Variants in ADARB2 observed in about 807,000 individuals in gnomAD.
ADARB2 encodes inactive double-stranded RNA-specific editase B2.
In ADARB2, 25 loss-of-function variants were observed where a neutral mutation model predicts 62.2. That is an observed-to-expected ratio of 0.40 (90% confidence interval 0.29 to 0.56). ADARB2 has a LOEUF of 0.56. Among genes scored for constraint, ADARB2 ranks in the 20% least tolerant of loss-of-function variants. The pLI is 0.43. For missense variants in ADARB2, 1,071 were observed against 1,077.4 expected (o/e 0.99, Z 0.08); for synonymous variants, 572 against 500.8 (o/e 1.14, Z -1.90).
intron 1 of ADARB2, among the ~76,000 whole-genome samples, chr10:1,673,078 C>T (rs1834412248): frequency 1.3e-5 from 2 of 152,150 alleles, no homozygotes; most frequent in African/African-American, 2.4e-5. Flanking sequence ...ACCAAATGGG[C>T]TTCACCTCAT....
rs1348470606 is a variant in ADARB2, at chr10:1,704,458, C to A, written c.100+32593G>T. Among the ~76,000 whole-genome samples, 1 of 152,056 alleles carries A rather than the reference C, an allele frequency of 6.6e-6. No individual in the cohort carries two copies. The highest frequency in any genetic ancestry group is 1.5e-5 in the Non-Finnish European group (1 of 68,014). On this transcript the variant is annotated intron_variant, in intron 1 of 9. Coordinates refer to ENST00000381312, the MANE Select transcript of ADARB2 (RefSeq NM_018702.4). This position sits in a 1 kb window ranked among gnomAD's most constrained non-coding sequence, Gnocchi z 5.6. ...TACAAGCACAGTTAGCAATAGGATC[C>A]CCACTCCTATAGGAATCTAATGCCA...
chr10:1,491,425 A>G (rs1256331477), intron 1 of ADARB2, among the ~76,000 whole-genome samples: 1 of 152,130 alleles, frequency 6.6e-6, no homozygotes, highest in East Asian at 1.9e-4. Flanking sequence ...GAGTTTTACA[A>G]TCTTACTGAC....
chr10:1,232,825 A>G (rs955011810), intron 6 of ADARB2, among the ~76,000 whole-genome samples: 13 of 142,322 alleles, frequency 9.1e-5, no homozygotes, highest in Admixed American at 4.9e-4. Flanking sequence ...TGCATGTGCT[A>G]TATGTGGTAT....
intron 1 of ADARB2, among the ~76,000 whole-genome samples, chr10:1,486,432 G>T (rs999560974): frequency 6.6e-6 from 1 of 152,166 alleles, no homozygotes; most frequent in Non-Finnish European, 1.5e-5. Context: ...GAACAATATA[G>T]ACACAAAGTC....
intron 1 of ADARB2, among the ~76,000 whole-genome samples, chr10:1,576,027 AGGGCCACTCGGCGGGGGGG>A (rs1230768681): frequency 5.8e-4 from 33 of 56,528 alleles, no homozygotes; most frequent in Admixed American, 9.7e-4. Flanking sequence ...GAGGGGGCCC[AGGGCCACTCGGCGGGGGGG>A]TCAGGGTCAC....
intron 4 of ADARB2, among the ~76,000 whole-genome samples, chr10:1,266,799 A>G (rs182842138): frequency 1.5e-4 from 23 of 152,362 alleles, no homozygotes; most frequent in Non-Finnish European, 3.2e-4. Context: ...GGAGTTGAGC[A>G]GAAGTTACAG....
intron 1 of ADARB2, among the ~76,000 whole-genome samples, chr10:1,716,802 A>G (rs368642171): frequency 3.9e-5 from 6 of 152,340 alleles, no homozygotes; most frequent in African/African-American, 1.4e-4. Context: ...ATCTCTGAGT[A>G]TATATCCCTT....
At chr10:1,647,023 CTG>C (rs1328557164) in intron 1 of ADARB2, among the ~76,000 whole-genome samples, 1 of 152,250 alleles carries the variant, frequency 6.6e-6, no homozygotes, top group Non-Finnish European at 1.5e-5. Context: ...AAGGAGAAAA[CTG>C]TGTGCCGTGT....
intron 1 of ADARB2, among the ~76,000 whole-genome samples, chr10:1,552,081 C>G (rs925006132): frequency 6.6e-6 from 1 of 152,198 alleles, no homozygotes; most frequent in Non-Finnish European, 1.5e-5. Flanking sequence ...GATCACAGAA[C>G]CATACAGTCC....
intron 1 of ADARB2, among the ~76,000 whole-genome samples, chr10:1,655,875 C>T (rs1458929695): frequency 6.6e-6 from 1 of 152,136 alleles, no homozygotes; most frequent in African/African-American, 2.4e-5. Flanking sequence ...GGAAGAATAT[C>T]TATTTTCATG....
chr10:1,586,834 G>C (rs550954389), intron 1 of ADARB2, among the ~76,000 whole-genome samples: 1 of 152,150 alleles, frequency 6.6e-6, no homozygotes. Flanking sequence ...GTAGCATAAA[G>C]AAATATATAA....
intron 3 of ADARB2, among the ~76,000 whole-genome samples, chr10:1,289,522 A>C (rs1333172767): frequency 6.6e-6 from 1 of 152,220 alleles, no homozygotes; most frequent in Non-Finnish European, 1.5e-5. Context: ...ACCGTCAGGA[A>C]GCCCGAGTCT....
At chr10:1,712,367 G>C (rs1190153533) in intron 1 of ADARB2, among the ~76,000 whole-genome samples, 5 of 151,846 alleles carry the variant, frequency 3.3e-5, no homozygotes, top group Admixed American at 3.3e-4. Context: ...AAAATTACCT[G>C]GTTTCATGGC....
intron 1 of ADARB2, among the ~76,000 whole-genome samples, chr10:1,443,908 TA>T (rs1830930838): frequency 6.6e-6 from 1 of 152,190 alleles, no homozygotes; most frequent in African/African-American, 2.4e-5. Context: ...AATCTACCAC[TA>T]TTGCAGGTTA....
chr10:1,261,721 G>T (rs1046333474), intron 4 of ADARB2, among the ~76,000 whole-genome samples: 1 of 150,130 alleles, frequency 6.7e-6, no homozygotes, highest in Non-Finnish European at 1.5e-5. Flanking sequence ...AACCATTGTG[G>T]AAGTCAGTGT....
rs977181232 is a variant in ADARB2, at chr10:1,694,496, C to T, written c.100+42555G>A. Among the ~76,000 whole-genome samples, 7 of 151,986 alleles carry T rather than the reference C, an allele frequency of 4.6e-5. No homozygotes were observed. In the East Asian group the frequency reaches 9.8e-4, roughly 21 times the overall value. On this transcript the variant is annotated intron_variant, in intron 1 of 9. Coordinates refer to ENST00000381312, the MANE Select transcript of ADARB2 (RefSeq NM_018702.4). ...TCAGGGCTTTTAAACTGTACATGCACGACCCACAACCGGTGGCACTTCCTT... is the reference window on the plus strand; with the variant it reads ...TCAGGGCTTTTAAACTGTACATGCATGACCCACAACCGGTGGCACTTCCTT...
intron 8 of ADARB2, among the ~76,000 whole-genome samples, chr10:1,195,512 C>G (rs1302261332): frequency 1.3e-5 from 2 of 149,634 alleles, no homozygotes; most frequent in Admixed American, 1.3e-4. Flanking sequence ...GAGAGCACAT[C>G]TAGGCAGAGA....
At chr10:1,623,813 C>T (rs1417387460) in intron 1 of ADARB2, among the ~76,000 whole-genome samples, 2 of 152,232 alleles carry the variant, frequency 1.3e-5, no homozygotes, top group Non-Finnish European at 2.9e-5. Flanking sequence ...TAGAGACCCA[C>T]AGCATTTAAT....
At chr10:1,421,187 G>C (rs1161953802) in intron 1 of ADARB2, among the ~76,000 whole-genome samples, 2 of 151,900 alleles carry the variant, frequency 1.3e-5, no homozygotes, top group East Asian at 1.9e-4. Context: ...GGACCAAAGG[G>C]GCCCTCTGCA....
Sources: gnomAD v4.1 joint callset for allele counts (sites outside exome capture counted in the v4.1 genomes callset) on GRCh38, gnomAD v4.1.1 for gene constraint, Gnocchi (gnomAD v3.1) non-coding constraint, MANE v1.5 for transcripts, NCBI Gene and HGNC (gene_info 2026-07-23, HGNC 2026-07-21) for gene names.